The following KREMEN1 variants were observed in gnomAD, a reference collection of about 807,000 sequenced individuals.
The protein encoded by KREMEN1 is kringle containing transmembrane protein 1.
Under a neutral mutation model 46.5 loss-of-function variants are expected in KREMEN1, and 30 were observed. The observed-to-expected ratio is 0.65, with a 90% confidence interval of 0.48 to 0.88. The LOEUF (loss-of-function observed/expected upper bound fraction) is 0.88. KREMEN1 is among the 40% of genes least tolerant of loss of function. The probability of loss-of-function intolerance (pLI) is 0.00; values close to 1 mark genes in which losing one functional copy is unlikely to be tolerated. For synonymous variants in KREMEN1, 214 were observed against 230.6 expected (o/e 0.93, Z 0.65); for missense variants, 533 against 596.9 (o/e 0.89, Z 1.11).
chr22:29,153,714 C>T (rs1474771036), intron 9 of KREMEN1, among the ~76,000 whole-genome samples: 1 of 151,990 alleles, frequency 6.6e-6, no homozygotes, highest in South Asian at 2.1e-4. Flanking sequence ...GGCATGGTGG[C>T]TCATGCCTAT....
chr22:29,167,208 C>T, exon 10 of KREMEN1: 1 of 981,534 alleles, frequency 1.0e-6, no homozygotes, highest in Non-Finnish European at 1.6e-6. Context: ...GGTGGGCTCT[C>T]TCTGGCCCAG....
At position 29,144,741 on chromosome 22, in the gene KREMEN1, C is replaced by G; in HGVS notation, c.*2629C>G. ...GGCCAGGGGGCAGTTGTTCAGTTGC[C>G]TGGGGCTGACACTGACCACTGGCCT... On this transcript the variant is annotated 3_prime_UTR_variant, in exon 9 of 9. Transcript: ENST00000400335. The G allele has an allele frequency of 1.0e-6, 1 of 985,512 alleles. No individual in the cohort carries two copies. The highest frequency in any genetic ancestry group is 1.2e-6 in the Non-Finnish European group (1 of 829,968). 61.0% of individuals were successfully genotyped at this position (985,512 alleles called of 1,614,324 possible).
chr22:29,105,775 C>G (rs2038050193), intron 3 of KREMEN1, among the ~76,000 whole-genome samples: 1 of 152,132 alleles, frequency 6.6e-6, no homozygotes, highest in East Asian at 1.9e-4. Context: ...ATGAGAAGTT[C>G]TCTAGTGATT....
chr22:29,121,098 G>GT (rs11396782), intron 3 of KREMEN1, among the ~76,000 whole-genome samples: 64,986 of 146,498 alleles, frequency 0.44, 15,849 homozygotes, highest in Middle Eastern at 0.6. Context: ...ATATTAAACA[G>GT]TTTTTTTTTT....
At chr22:29,154,567 C>CT (rs1421130313) in intron 9 of KREMEN1, 1 of 152,438 alleles carries the variant, frequency 6.6e-6, no homozygotes, top group Non-Finnish European at 1.5e-5. Flanking sequence ...CCGCCGCCTC[C>CT]TGCCGCCCTC....
At chr22:29,102,074 C>G (rs766965225) in intron 3 of KREMEN1, among the ~76,000 whole-genome samples, 1 of 152,170 alleles carries the variant, frequency 6.6e-6, no homozygotes, top group Non-Finnish European at 1.5e-5. Context: ...ACAGTGAATT[C>G]GTAACATCCT....
intron 3 of KREMEN1, among the ~76,000 whole-genome samples, chr22:29,103,286 G>T (rs961504659): frequency 1.3e-5 from 2 of 152,160 alleles, no homozygotes; most frequent in African/African-American, 4.8e-5. Flanking sequence ...GGAGCCAGGG[G>T]GAATGAATGT....
At chr22:29,116,060 C>G (rs2038234833) in intron 3 of KREMEN1, among the ~76,000 whole-genome samples, 1 of 152,172 alleles carries the variant, frequency 6.6e-6, no homozygotes, top group South Asian at 2.1e-4. Context: ...ATTTACCTCA[C>G]CAGCTGCTGC....
At chr22:29,149,306 GCACGTGC>G (rs1291845344), downstream of KREMEN1, among the ~76,000 whole-genome samples, 1 of 152,114 alleles carries the variant, frequency 6.6e-6, no homozygotes, top group Admixed American at 6.6e-5. Context: ...GGGACTACAG[GCACGTGC>G]CACCATGCCC....
intron 1 of KREMEN1, among the ~76,000 whole-genome samples, chr22:29,081,392 CA>C (rs1207537862): frequency 6.6e-6 from 1 of 152,068 alleles, no homozygotes; most frequent in Admixed American, 6.6e-5. Context: ...AGACAAACAC[CA>C]AATAATTTTT....
At chr22:29,131,483 C>T (rs962908053) in intron 5 of KREMEN1, among the ~76,000 whole-genome samples, 2 of 143,434 alleles carry the variant, frequency 1.4e-5, no homozygotes, top group Admixed American at 7.0e-5. Context: ...GTTCCCTTCC[C>T]CAACCCAACT....
In KREMEN1 at chr22:29,131,542, A is replaced by C. The variant is rs941863339; in HGVS notation, c.632-5800A>C. Among the ~76,000 whole-genome samples the C allele has an allele frequency of 3.0e-3, 140 of 46,656 alleles. 3 individuals are homozygous for C. The highest frequency in any genetic ancestry group is 8.7e-3 in the African/African-American group (93 of 10,664). The allele number at this position is 46,656 out of a possible 152,430, so 30.6% of individuals were successfully genotyped here. On this transcript the variant is annotated intron_variant, in intron 5 of 8. Transcript: ENST00000400335. ...TCTGTTCATATATATATATATATAT[A>C]TATATATATATATATATATGTGTGT...
At position 29,146,561 on chromosome 22, in the gene KREMEN1, C is replaced by T. The variant is rs1056291142; in HGVS notation, c.*4449C>T. On this transcript the variant is annotated 3_prime_UTR_variant, in exon 9 of 9. Transcript: ENST00000400335. ...GTCAAGACCTTCCCACATCCAAACT[C>T]AGCTTCCAGCAGGGATTTTGACTTT... 2.0e-6 allele frequency: 2 copies of T among 985,594 alleles called. No individual in the cohort carries two copies. Among genetic ancestry groups the T allele is most frequent in the African/African-American group, 3.5e-5 (2 of 57,242 alleles). 61.1% of individuals were successfully genotyped at this position (985,594 alleles called of 1,614,324 possible). A position where few individuals can be genotyped will look rare whatever the true frequency, so the allele number is the denominator to read the frequency against.
chr22:29,087,026 G>A (rs2037740963), intron 1 of KREMEN1, among the ~76,000 whole-genome samples: 1 of 152,038 alleles, frequency 6.6e-6, no homozygotes, highest in Non-Finnish European at 1.5e-5. Context: ...GCCTCCCAAA[G>A]TTCTGGGATT....
At chr22:29,101,252 CAAAAAAAAAAA>C (rs368843166) in intron 3 of KREMEN1, among the ~76,000 whole-genome samples, 4 of 74,806 alleles carry the variant, frequency 5.3e-5, no homozygotes, top group Non-Finnish European at 9.7e-5. Context: ...AGTCTGTCTC[CAAAAAAAAAAA>C]AAAAAAAAAA....
intron 9 of KREMEN1, among the ~76,000 whole-genome samples, chr22:29,160,170 C>T (rs944068781): frequency 6.6e-6 from 1 of 152,070 alleles, no homozygotes; most frequent in Non-Finnish European, 1.5e-5. Flanking sequence ...AGTCTCAATA[C>T]ATTCAAAAAA....
At chr22:29,098,744 A>G in intron 2 of KREMEN1, 118 bp from the exon 3 acceptor site, 1 of 749,272 alleles carries the variant, frequency 1.3e-6, no homozygotes, top group East Asian at 2.6e-5. Context: ...TGAGATACAG[A>G]CCAACTATTA....
chr22:29,143,665 C>T lies in KREMEN1; in HGVS notation c.*1553C>T. The T allele has an allele frequency of 1.2e-6, 1 of 813,070 alleles. No individual in the cohort carries two copies. The highest frequency in any genetic ancestry group is 5.6e-5 in the South Asian group (1 of 17,768). 50.4% of individuals were successfully genotyped at this position (813,070 alleles called of 1,614,324 possible). On this transcript the variant is annotated 3_prime_UTR_variant, in exon 9 of 9. Coordinates refer to ENST00000400335, the MANE Select transcript of KREMEN1 (RefSeq NM_001039570.3). ...GCTGAGGCAGGAGAATGGCGTGAACCCGGGAGGCGGAGCTTGCAGTGAGCA... is the reference window on the plus strand; with the variant it reads ...GCTGAGGCAGGAGAATGGCGTGAACTCGGGAGGCGGAGCTTGCAGTGAGCA...
chr22:29,121,355 A>T lies in KREMEN1; in HGVS notation c.353-2A>T. The T allele has an allele frequency of 6.2e-7, 1 of 1,612,686 alleles. No homozygotes were observed. Among genetic ancestry groups the T allele is most frequent in the Non-Finnish European group, 8.5e-7 (1 of 1,179,566 alleles). ...ATTCTTTTGTTTTTCTTTTTTCTTT[A>T]GTGCCTGGAAACCTTGGCTGCTACA... On this transcript the variant is annotated splice_acceptor_variant, in intron 3 of 8. Transcript: ENST00000400335. LOFTEE classifies it high-confidence loss of function.
Sources: gnomAD v4.1 joint callset for allele counts (sites outside exome capture counted in the v4.1 genomes callset) on GRCh38, gnomAD v4.1.1 for gene constraint, MANE v1.5 for transcripts, NCBI Gene and HGNC (gene_info 2026-07-23, HGNC 2026-07-21) for gene names.